PCDHGB5: variants seen among roughly 807,000 people sequenced by gnomAD.
PCDHGB5 encodes protocadherin gamma subfamily B, 5.
In PCDHGB5, 48 loss-of-function variants were observed where a neutral mutation model predicts 62.9. The observed-to-expected ratio is 0.76, with a 90% CI of 0.61 to 0.97. PCDHGB5 has a LOEUF of 0.97. Ranked by LOEUF, PCDHGB5 falls within the 50% of genes least tolerant of loss-of-function variation. The pLI is 0.00. For missense variants in PCDHGB5, 1,118 were observed against 1,198.6 expected (o/e 0.93, Z 0.99); for synonymous variants, 474 against 511.2 (o/e 0.93, Z 0.98).
chr5:141,414,724 G>A (rs1461729604), intron 1 of PCDHGB5: 48 of 1,614,138 alleles, frequency 3.0e-5, no homozygotes, highest in Non-Finnish European at 3.9e-5. Context: ...AGACACTGGC[G>A]TCCTGTATGC....
At chr5:141,422,302 G>A (rs749870505) in intron 1 of PCDHGB5, 2 of 1,549,012 alleles carry the variant, frequency 1.3e-6, no homozygotes, top group Admixed American at 4.3e-5. Flanking sequence ...TTCAATTCTG[G>A]AAAACTCTCC....
chr5:141,465,048 A>AT (rs905091014), intron 1 of PCDHGB5, among the ~76,000 whole-genome samples: 18 of 151,226 alleles, frequency 1.2e-4, no homozygotes, highest in African/African-American at 4.4e-4. Context: ...GACCCTATAT[A>AT]TTTTTTTGAA....
chr5:141,405,138 G>A (rs777486710), intron 1 of PCDHGB5: 4 of 1,613,962 alleles, frequency 2.5e-6, no homozygotes, highest in Non-Finnish European at 3.4e-6. Flanking sequence ...CGGGCTACCA[G>A]TGATGGGTTG....
At position 141,485,651 on chromosome 5, in the gene PCDHGB5, G is replaced by A. The variant is rs752827268; in HGVS notation, c.2398-9156G>A. The A allele has an allele frequency of 6.8e-6, 11 of 1,612,228 alleles. No individual in the cohort carries two copies. The Admixed American group carries it at 1.3e-4, about 20-fold the overall frequency. ...TTTCCCGTTGGAAAAGGCTCAGGATGCAGATGTGGGGAGCAATTCGATTAG... is the reference window on the plus strand; with the variant it reads ...TTTCCCGTTGGAAAAGGCTCAGGATACAGATGTGGGGAGCAATTCGATTAG... On this transcript the variant is annotated intron_variant, in intron 1 of 3. Transcript: ENST00000617380. This position sits in a 1 kb window ranked among gnomAD's most constrained non-coding sequence, Gnocchi z 5.7.
At chr5:141,427,087 A>G (rs1338132084) in intron 1 of PCDHGB5, 1 of 458,198 alleles carries the variant, frequency 2.2e-6, no homozygotes, top group Non-Finnish European at 4.4e-6. Flanking sequence ...ACTGACCAGG[A>G]TGAGGGTGTC....
chr5:141,484,266 T>G (rs2099593967), intron 1 of PCDHGB5, among the ~76,000 whole-genome samples: 1 of 152,220 alleles, frequency 6.6e-6, no homozygotes, highest in Non-Finnish European at 1.5e-5. Flanking sequence ...ACACTGATTC[T>G]TTACTGTTTT....
chr5:141,508,527 GCACC>G (rs2099869479), intron 3 of PCDHGB5, among the ~76,000 whole-genome samples: 1 of 152,104 alleles, frequency 6.6e-6, no homozygotes, highest in Non-Finnish European at 1.5e-5. Flanking sequence ...CAACCTCAGG[GCACC>G]CCCCACGAGG....
chr5:141,431,016 C>A lies in PCDHGB5; in HGVS notation c.2397+30492C>A, dbSNP rs755015257. 4 of 1,613,456 alleles carry A rather than the reference C, an allele frequency of 2.5e-6. No individual in the cohort carries two copies. Among genetic ancestry groups the A allele is most frequent in the East Asian group, 2.2e-5 (1 of 44,860 alleles). ...AATCCGCGCAGCGGCAGCTTGGTCA[C>A]GGCGGGCAGGATAGACCGGGAGGAG... is the stretch of plus-strand genomic sequence containing the variant. On this transcript the variant is annotated intron_variant, in intron 1 of 3. Coordinates refer to ENST00000617380, the MANE Select transcript of PCDHGB5 (RefSeq NM_018925.3). The surrounding 1 kb of genome is among the most constrained non-coding windows in gnomAD (Gnocchi z 4.8).
chr5:141,428,169 G>A (rs758370904), intron 1 of PCDHGB5: 1 of 1,540,076 alleles, frequency 6.5e-7, no homozygotes, highest in Non-Finnish European at 8.9e-7. Flanking sequence ...GTTGCTGTGC[G>A]TGACGGAGGA....
At chr5:141,425,429 A>G in intron 1 of PCDHGB5, among the ~76,000 whole-genome samples, 1 of 152,254 alleles carries the variant, frequency 6.6e-6, no homozygotes, top group East Asian at 1.9e-4. Flanking sequence ...CCCATTAAAT[A>G]GAGGATAAAA....
chr5:141,485,821 T>C lies in PCDHGB5; in HGVS notation c.2398-8986T>C, dbSNP rs765768266. 4 of 1,614,134 alleles carry C rather than the reference T, an allele frequency of 2.5e-6. No homozygotes were observed. Among genetic ancestry groups the C allele is most frequent in the Admixed American group, 1.7e-5 (1 of 60,014 alleles). ...ACCGCCTGGTGCTGACTGCTGTCGATGGAGGGAACCCGCCGAGATCTGGCA... is the reference window on the plus strand; with the variant it reads ...ACCGCCTGGTGCTGACTGCTGTCGACGGAGGGAACCCGCCGAGATCTGGCA... On this transcript the variant is annotated intron_variant, in intron 1 of 3. Coordinates refer to ENST00000617380, the MANE Select transcript of PCDHGB5 (RefSeq NM_018925.3). This position sits in a 1 kb window ranked among gnomAD's most constrained non-coding sequence, Gnocchi z 5.7.
chr5:141,437,058 T>C (rs539776847), intron 1 of PCDHGB5, among the ~76,000 whole-genome samples: 2 of 152,246 alleles, frequency 1.3e-5, no homozygotes, highest in Non-Finnish European at 2.9e-5. Context: ...CTGGTGATCA[T>C]TATTTGGTTT....
intron 1 of PCDHGB5, chr5:141,412,431 G>GTTAA (rs1478574285): frequency 6.6e-6 from 1 of 152,132 alleles, no homozygotes; most frequent in African/African-American, 2.4e-5. Context: ...ACACAAAAAG[G>GTTAA]TTAATTAAGG....
In PCDHGB5 at chr5:141,477,200, C is replaced by A; in HGVS notation, c.2398-17607C>A. On this transcript the variant is annotated intron_variant, in intron 1 of 3. Transcript: ENST00000617380. The surrounding 1 kb of genome is among the most constrained non-coding windows in gnomAD (Gnocchi z 4.9). The stretch of plus-strand genomic sequence containing the variant: ...AGTCACCTCCGTGTACAGCCCAGTA[C>A]CCGAGGATGCCCCTCTGGGGACTGT... 6.2e-7 allele frequency: 1 copy of A among 1,614,206 alleles called. No homozygotes were observed. Among genetic ancestry groups the A allele is most frequent in the South Asian group, 1.1e-5 (1 of 91,088 alleles).
Position 141,490,810 on chromosome 5 carries a change from T to C in PCDHGB5, c.2398-3997T>C, listed in dbSNP as rs2099704652. On this transcript the variant is annotated intron_variant, in intron 1 of 3. Transcript: ENST00000617380. This position sits in a 1 kb window ranked among gnomAD's most constrained non-coding sequence, Gnocchi z 5.4. ...GATCTTTGCCCAGCGTACCTTTGAC[T>C]ATGAATTGCTGCAGATGCTGCAGAT... 1 of 1,613,936 alleles carries C rather than the reference T, an allele frequency of 6.2e-7. No individual in the cohort carries two copies. Among genetic ancestry groups the C allele is most frequent in the Non-Finnish European group, 8.5e-7 (1 of 1,179,884 alleles).
chr5:141,465,995 A>C lies in PCDHGB5; in HGVS notation c.2398-28812A>C, dbSNP rs551920109. On this transcript the variant is annotated intron_variant, in intron 1 of 3. Coordinates refer to ENST00000617380, the MANE Select transcript of PCDHGB5 (RefSeq NM_018925.3). ...AAATTAGCCGGGCATGGTGGCAGGC[A>C]CCTGTAGTCCCAGCTACTCGGGAGG... Among the ~76,000 whole-genome samples the C allele has an allele frequency of 1.3e-4, 20 of 151,982 alleles. No homozygotes were observed. In the South Asian group the frequency reaches 4.2e-3, roughly 32 times the overall value.
At position 141,431,496 on chromosome 5, in the gene PCDHGB5, A is replaced by C. The variant is rs1223687647; in HGVS notation, c.2397+30972A>C. On this transcript the variant is annotated intron_variant, in intron 1 of 3. Coordinates refer to ENST00000617380, the MANE Select transcript of PCDHGB5 (RefSeq NM_018925.3). This position sits in a 1 kb window ranked among gnomAD's most constrained non-coding sequence, Gnocchi z 4.8. ...AACGCACCAGCGTTTGCTCAGCCCGAGTACCGCGCGAGCGTTCCGGAGAAT... is the reference window on the plus strand; with the variant it reads ...AACGCACCAGCGTTTGCTCAGCCCGCGTACCGCGCGAGCGTTCCGGAGAAT... 5 of 1,614,020 alleles carry C rather than the reference A, an allele frequency of 3.1e-6. No individual in the cohort carries two copies. The South Asian group carries it at 4.4e-5, about 14-fold the overall frequency.
At chr5:141,494,171 G>A (rs72790068) in intron 1 of PCDHGB5, among the ~76,000 whole-genome samples, 9,520 of 152,240 alleles carry the variant, frequency 0.063, 348 homozygotes, top group South Asian at 0.11. Flanking sequence ...TTCTAGGGGT[G>A]AGAAGTGTCC....
At chr5:141,465,284 A>C (rs2099100147) in intron 1 of PCDHGB5, among the ~76,000 whole-genome samples, 1 of 152,176 alleles carries the variant, frequency 6.6e-6, no homozygotes, top group African/African-American at 2.4e-5. Flanking sequence ...TTCACCCCTA[A>C]AGAACTGAGA....
Sources: allele counts gnomAD v4.1 joint callset (sites outside exome capture counted in the v4.1 genomes callset), GRCh38; gene constraint gnomAD v4.1.1; non-coding constraint Gnocchi (gnomAD v3.1); transcripts MANE v1.5; gene names NCBI Gene and HGNC (gene_info 2026-07-23, HGNC 2026-07-21).